The following CLASP2 variants were observed in gnomAD, a reference collection of about 807,000 sequenced individuals.
CLASP2 encodes CLIP-associating protein 2.
Under a neutral mutation model 194.4 loss-of-function variants are expected in CLASP2, and 47 were observed. The observed-to-expected ratio is 0.24, with a 90% CI of 0.19 to 0.31. The LOEUF is 0.31. Ranked by LOEUF, CLASP2 falls within the 10% of genes least tolerant of loss-of-function variation. The pLI is 1.00. For missense variants in CLASP2, 1,445 were observed against 1,823.6 expected, an observed-to-expected ratio of 0.79 and a Z score of 3.78; for synonymous variants, 619 against 633.5, an observed-to-expected ratio of 0.98 and a Z score of 0.34.
intron 33 of CLASP2, 32 bp from the exon 34 acceptor site, chr3:33,535,493 T>A: frequency 6.6e-7 from 1 of 1,514,316 alleles, no homozygotes; most frequent in African/African-American, 1.4e-5. Flanking sequence ...CACAGCAAAT[T>A]AACTCATTTT....
chr3:33,524,366 G>A (rs2053931984), intron 34 of CLASP2, among the ~76,000 whole-genome samples: 1 of 152,120 alleles, frequency 6.6e-6, no homozygotes, highest in African/African-American at 2.4e-5. Flanking sequence ...AAATAGGCTG[G>A]GTGCGTTGGT....
rs1359752733 is a variant in CLASP2, at chr3:33,522,022, C to CT, written c.3788-4849dup. On this transcript the variant is annotated intron_variant, in intron 34 of 38. Transcript: ENST00000682230. ...AGGACCTGTGCACTGTTGACTGCTG[C>CT]TTTTTTTTTTCTTCCAAAGACCCTT... 3.4e-4 allele frequency among the ~76,000 whole-genome samples: 51 copies of CT among 149,778 alleles called. 1 individual carries two copies. Among genetic ancestry groups the CT allele is most frequent in the African/African-American group, 1.1e-3 (43 of 40,774 alleles).
intron 9 of CLASP2, among the ~76,000 whole-genome samples, chr3:33,629,457 T>C (rs189178819): frequency 6.6e-6 from 1 of 152,226 alleles, no homozygotes. Flanking sequence ...ATGTTTCCAT[T>C]TGATGGTGAC....
chr3:33,696,968 T>C, intron 1 of CLASP2, 35 bp from the exon 2 acceptor site: 2 of 1,054,064 alleles, frequency 1.9e-6, no homozygotes, highest in Non-Finnish European at 2.8e-6. Context: ...GAATATAAAT[T>C]ACTGATGCAT....
chr3:33,570,046 G>A (rs1031387943), intron 26 of CLASP2, among the ~76,000 whole-genome samples: 14 of 152,148 alleles, frequency 9.2e-5, no homozygotes, highest in African/African-American at 3.1e-4. Context: ...GTATCCTAAG[G>A]GAAGATTTCA....
At chr3:33,656,186 C>T (rs2084175522) in intron 7 of CLASP2, among the ~76,000 whole-genome samples, 1 of 152,174 alleles carries the variant, frequency 6.6e-6, no homozygotes, top group Non-Finnish European at 1.5e-5. Flanking sequence ...TTCACAAACC[C>T]AAGTTTGCCT....
chr3:33,644,463 T>TA (rs1390961858), intron 8 of CLASP2: 145 of 357,206 alleles, frequency 4.1e-4, no homozygotes, highest in East Asian at 2.1e-3. Flanking sequence ...GTTCTCTGCT[T>TA]AAAAAAAACA....
chr3:33,594,261 C>CA (rs1356255657), intron 20 of CLASP2, among the ~76,000 whole-genome samples: 2 of 151,678 alleles, frequency 1.3e-5, no homozygotes, highest in African/African-American at 4.8e-5. Flanking sequence ...TTTTGTGTCA[C>CA]AAAAAATAGT....
chr3:33,645,969 C>CAA (rs1486601676), intron 7 of CLASP2, among the ~76,000 whole-genome samples: 1 of 135,650 alleles, frequency 7.4e-6, no homozygotes, highest in African/African-American at 2.8e-5. Flanking sequence ...CACACACACA[C>CAA]ACACACAATG....
In CLASP2 at chr3:33,652,203, T is replaced by C. The variant is rs189782457; in HGVS notation, c.716-7300A>G. Among the ~76,000 whole-genome samples the C allele has an allele frequency of 1.7e-3, 260 of 152,346 alleles. 1 individual carries two copies. Among genetic ancestry groups the C allele is most frequent in the African/African-American group, 5.6e-3 (233 of 41,578 alleles). ...CTCTGATTCACATTAAGTAGTTTCT[T>C]ATACCAAAGTTCCTCTCTTCCCTTG... On this transcript the variant is annotated intron_variant, in intron 7 of 38. Coordinates refer to ENST00000682230, the MANE Select transcript of CLASP2 (RefSeq NM_001365631.1).
chr3:33,512,717 G>C (rs1028718741), intron 36 of CLASP2, among the ~76,000 whole-genome samples: 1 of 147,520 alleles, frequency 6.8e-6, no homozygotes. Flanking sequence ...AAGGCCAGGA[G>C]TGGTGGCTCA....
At chr3:33,615,230 T>C (rs190156840) in intron 12 of CLASP2, among the ~76,000 whole-genome samples, 116 of 151,686 alleles carry the variant, frequency 7.6e-4, no homozygotes, top group African/African-American at 2.7e-3. Flanking sequence ...TTAATTACAG[T>C]TGCTGAAAAT....
chr3:33,502,617 A>G (rs1186962072), intron 37 of CLASP2: 1 of 152,062 alleles, frequency 6.6e-6, no homozygotes, highest in Non-Finnish European at 1.5e-5. Flanking sequence ...TGATCACACT[A>G]CTTACTCTAT....
chr3:33,497,742 C>T lies in CLASP2; in HGVS notation c.*889G>A, dbSNP rs1319015583. ...GAGAAACAGAAGACGGTCAAGGACA[C>T]ACACGCACTTGATTTTTTTTGTCCG... On this transcript the variant is annotated 3_prime_UTR_variant, in exon 39 of 39. Coordinates refer to ENST00000682230, the MANE Select transcript of CLASP2 (RefSeq NM_001365631.1). 1 of 152,538 alleles carries T rather than the reference C, an allele frequency of 6.6e-6. No individual in the cohort carries two copies. The highest frequency in any genetic ancestry group is 1.9e-4 in the East Asian group (1 of 5,204). 9.4% of individuals were successfully genotyped at this position (152,538 alleles called of 1,614,324 possible).
Position 33,616,331 on chromosome 3 carries a change from A to T in CLASP2, c.1317+3272T>A, listed in dbSNP as rs142389476. Among the ~76,000 whole-genome samples, 362 of 152,246 alleles carry T rather than the reference A, an allele frequency of 2.4e-3. 1 individual carries two copies. Among genetic ancestry groups the T allele is most frequent in the Middle Eastern group, 0.014 (4 of 294 alleles). ...ATTATATAATCTTAAAGGTCATTAA[A>T]CCCTAATAGCAGAACAATATATTAA... On this transcript the variant is annotated intron_variant, in intron 12 of 38. Coordinates refer to ENST00000682230, the MANE Select transcript of CLASP2 (RefSeq NM_001365631.1).
chr3:33,663,157 T>C (rs534122408), intron 7 of CLASP2, among the ~76,000 whole-genome samples: 8 of 131,248 alleles, frequency 6.1e-5, no homozygotes, highest in Non-Finnish European at 9.2e-5. Flanking sequence ...AAGGTCATCA[T>C]ACCTCAACCC....
intron 7 of CLASP2, 177 bp from the exon 8 acceptor site, chr3:33,645,080 C>T (rs1422409955): frequency 1.5e-6 from 1 of 686,830 alleles, no homozygotes; most frequent in Non-Finnish European, 2.5e-6. Context: ...ATAAAATAAT[C>T]CTCTGTAATT....
intron 6 of CLASP2, 52 bp from the exon 7 acceptor site, chr3:33,663,567 TAAA>T: frequency 7.9e-7 from 1 of 1,262,768 alleles, no homozygotes; most frequent in Admixed American, 1.8e-5. Context: ...ACATATAGAT[TAAA>T]TAGAAACAAT....
chr3:33,652,628 T>C (rs1308654267), intron 7 of CLASP2, among the ~76,000 whole-genome samples: 2 of 152,234 alleles, frequency 1.3e-5, no homozygotes, highest in African/African-American at 4.8e-5. Context: ...TTCTATATGC[T>C]GACAACTCTC....
Sources: allele counts gnomAD v4.1 joint callset (sites outside exome capture counted in the v4.1 genomes callset), GRCh38; gene constraint gnomAD v4.1.1; transcripts MANE v1.5; gene names NCBI Gene and HGNC (gene_info 2026-07-23, HGNC 2026-07-21).